CDH12: variants seen among roughly 807,000 people sequenced by gnomAD.
The protein encoded by CDH12 is cadherin-12.
A neutral mutation model predicts 74.1 loss-of-function variants in CDH12; 41 were observed. That is an observed-to-expected ratio of 0.55 (90% CI 0.43 to 0.72). The LOEUF (loss-of-function observed/expected upper bound fraction) is 0.72. Ranked by LOEUF, CDH12 falls within the 30% of genes least tolerant of loss-of-function variation. The pLI is 0.00. For missense variants in CDH12, 945 were observed against 977.2 expected, an observed-to-expected ratio of 0.97 and a Z score of 0.44; for synonymous variants, 399 against 355.0, an observed-to-expected ratio of 1.12 and a Z score of -1.39.
At chr5:21,801,939 A>T (rs1030634606) in intron 10 of CDH12, among the ~76,000 whole-genome samples, 1 of 152,170 alleles carries the variant, frequency 6.6e-6, no homozygotes, top group African/African-American at 2.4e-5. Flanking sequence ...TCAGACCTCT[A>T]TTGGTTATAA....
In CDH12 at chr5:22,314,941, C is replaced by CTTTTTTTTTTTTTTT. The variant is rs759734847; in HGVS notation, c.-333+90301_-333+90315dup. 8.9e-5 allele frequency among the ~76,000 whole-genome samples: 6 copies of CTTTTTTTTTTTTTTT among 67,764 alleles called. 1 individual carries two copies. The highest frequency in any genetic ancestry group is 2.4e-4 in the Admixed American group (1 of 4,184). 44.5% of individuals were successfully genotyped at this position (67,764 alleles called of 152,430 possible). A position where few individuals can be genotyped will look rare whatever the true frequency, so the allele number is the denominator to read the frequency against. Reference sequence around the variant, plus strand: ...GAAAAGCAGAGGTCCCTGGGTTGGTCTTTTTTTTTTTTTTTTTTTTTTTTT... The same window carrying CTTTTTTTTTTTTTTT: ...GAAAAGCAGAGGTCCCTGGGTTGGTCTTTTTTTTTTTTTTTTTTTTTTTTTTTTTTTTTTTTTTTT... On this transcript the variant is annotated intron_variant, in intron 3 of 14. Transcript: ENST00000382254.
Position 21,765,040 on chromosome 5 carries a change from A to C in CDH12, c.1453T>G (p.Phe485Val). ...ILINVLDVNE[F>V]PPEISVPYET... ...TATGGCACAGATATTTCTGGAGGAA[A>C]TTCATTTACATCTAAGACATTAATC... is the stretch of plus-strand genomic sequence containing the variant. Residue 485 changes from phenylalanine to valine, a missense_variant, in exon 12 of 15, where the codon TTT (phenylalanine) becomes GTT (valine). Around this residue, in one of 3 missense-constraint regions of CDH12, gnomAD observed 791 missense variants for 792.8 expected, o/e 1.00. Coordinates refer to ENST00000382254, the MANE Select transcript of CDH12 (RefSeq NM_004061.5). 6.2e-7 allele frequency: 1 copy of C among 1,611,912 alleles called. No homozygotes were observed.
intron 1 of CDH12, among the ~76,000 whole-genome samples, chr5:22,661,108 A>G (rs1360554598): frequency 1.3e-5 from 2 of 152,184 alleles, no homozygotes; most frequent in East Asian, 3.9e-4. Flanking sequence ...GTGCAATTAG[A>G]GGAAGCAAAG....
intron 1 of CDH12, among the ~76,000 whole-genome samples, chr5:22,542,957 A>T (rs1738169287): frequency 6.6e-6 from 1 of 152,150 alleles, no homozygotes; most frequent in Non-Finnish European, 1.5e-5. Context: ...AAGTAAAAAG[A>T]TTATTTTTGC....
intron 6 of CDH12, among the ~76,000 whole-genome samples, chr5:21,923,482 C>G (rs1405828035): frequency 1.3e-5 from 2 of 152,080 alleles, no homozygotes; most frequent in Non-Finnish European, 2.9e-5. Flanking sequence ...TCTATGTTTT[C>G]CTAGTATACC....
chr5:22,186,956 A>G (rs1749989633), intron 4 of CDH12, among the ~76,000 whole-genome samples: 1 of 152,218 alleles, frequency 6.6e-6, no homozygotes, highest in African/African-American at 2.4e-5. Flanking sequence ...TGAAGAAAAT[A>G]CTTAAAGTAC....
chr5:22,515,799 CTG>C (rs1309487760), intron 1 of CDH12, among the ~76,000 whole-genome samples: 6 of 152,176 alleles, frequency 3.9e-5, no homozygotes, highest in African/African-American at 1.4e-4. Flanking sequence ...AAGTGTAAGA[CTG>C]TTGATACAAA....
At chr5:22,705,130 T>A (rs11957819) in intron 1 of CDH12, among the ~76,000 whole-genome samples, 18 of 125,546 alleles carry the variant, frequency 1.4e-4, no homozygotes, top group Non-Finnish European at 1.7e-4. Flanking sequence ...TATATATATA[T>A]ACACACACAC....
At position 22,078,505 on chromosome 5, in the gene CDH12, A is replaced by G; in HGVS notation, c.172T>C (p.Trp58Arg). 6.2e-7 allele frequency: 1 copy of G among 1,613,928 alleles called. No individual in the cohort carries two copies. Among genetic ancestry groups the G allele is most frequent in the Non-Finnish European group, 8.5e-7 (1 of 1,179,856 alleles). The change falls in exon 5 of 15, where the codon TGG (tryptophan) becomes CGG (arginine). Residue 58 changes from tryptophan to arginine, a missense_variant. Transcript: ENST00000382254. ...TCTTCCAGCACAAAAAATTGATTCC[A>G]TACCCAGCCACGTTTAACACGTTGG... ...HFQRVKRGWV[W>R]NQFFVLEEYV...
chr5:22,402,863 G>A (rs1742787193), intron 3 of CDH12, among the ~76,000 whole-genome samples: 1 of 152,238 alleles, frequency 6.6e-6, no homozygotes, highest in East Asian at 1.9e-4. Context: ...TAATGGTGCA[G>A]ATCACTTCAT....
chr5:22,347,406 C>T (rs182398098), intron 3 of CDH12, among the ~76,000 whole-genome samples: 47 of 152,024 alleles, frequency 3.1e-4, no homozygotes, highest in African/African-American at 1.1e-3. Context: ...CCAAATTCTT[C>T]AGCTTTTGGG....
chr5:21,890,927 G>A (rs868842140), intron 6 of CDH12, among the ~76,000 whole-genome samples: 70 of 151,980 alleles, frequency 4.6e-4, no homozygotes, highest in African/African-American at 1.6e-3. Context: ...GAGAAAAATT[G>A]GATTTTCTAC....
intron 1 of CDH12, among the ~76,000 whole-genome samples, chr5:22,745,447 A>G (rs1443765331): frequency 1.3e-5 from 2 of 152,162 alleles, no homozygotes; most frequent in East Asian, 1.9e-4. Flanking sequence ...AAATCATTCT[A>G]TTTTGAAGAC....
intron 4 of CDH12, among the ~76,000 whole-genome samples, chr5:22,182,449 A>T (rs1749699500): frequency 6.6e-6 from 1 of 152,144 alleles, no homozygotes; most frequent in African/African-American, 2.4e-5. Flanking sequence ...TTTGTTCAGC[A>T]CCTAGTTTGG....
chr5:22,371,736 G>T lies in CDH12; in HGVS notation c.-333+33521C>A, dbSNP rs186595625. Among the ~76,000 whole-genome samples the T allele has an allele frequency of 2.6e-4, 39 of 152,252 alleles. No homozygotes were observed. In the East Asian group the frequency reaches 7.5e-3, roughly 29 times the overall value. Reference sequence around the variant, plus strand: ...ATATAGTACATATGTAGAATATTATGTACCAAGCACCTATTGCAAGACAAA... The same window carrying T: ...ATATAGTACATATGTAGAATATTATTTACCAAGCACCTATTGCAAGACAAA... On this transcript the variant is annotated intron_variant, in intron 3 of 14. Coordinates refer to ENST00000382254, the MANE Select transcript of CDH12 (RefSeq NM_004061.5).
chr5:22,460,738 T>TC, intron 2 of CDH12, among the ~76,000 whole-genome samples: 1 of 148,068 alleles, frequency 6.8e-6, no homozygotes, highest in Non-Finnish European at 1.5e-5. Flanking sequence ...TTTTTTTTTT[T>TC]AGACGATGTC....
At chr5:22,293,278 C>T (rs1247964188) in intron 3 of CDH12, among the ~76,000 whole-genome samples, 1 of 152,118 alleles carries the variant, frequency 6.6e-6, no homozygotes, top group Admixed American at 6.6e-5. Flanking sequence ...AACCCCTACC[C>T]TCCTTTGTTT....
At chr5:22,749,276 G>C (rs554048025) in intron 1 of CDH12, among the ~76,000 whole-genome samples, 27 of 152,346 alleles carry the variant, frequency 1.8e-4, no homozygotes, top group African/African-American at 6.5e-4. Context: ...TGAAGCGCAG[G>C]TGAGAAATGA....
intron 1 of CDH12, among the ~76,000 whole-genome samples, chr5:22,555,784 T>C (rs2126740702): frequency 6.6e-6 from 1 of 152,152 alleles, no homozygotes; most frequent in African/African-American, 2.4e-5. Context: ...TTTCTGTTTA[T>C]ACCCCACATT....
Sources: allele counts gnomAD v4.1 joint callset (sites outside exome capture counted in the v4.1 genomes callset), GRCh38; gene constraint gnomAD v4.1.1; regional missense constraint gnomAD v4.1.1; transcripts MANE v1.5; gene names NCBI Gene and HGNC (gene_info 2026-07-23, HGNC 2026-07-21).